TIGIT: variants seen among roughly 807,000 people sequenced by gnomAD.
TIGIT encodes the protein T cell immunoreceptor with Ig and ITIM domains.
In TIGIT, 11 loss-of-function variants were observed where a neutral mutation model predicts 19.6. The ratio of observed to expected loss-of-function variants is 0.56; its 90% CI spans 0.35 to 0.93. TIGIT has a LOEUF of 0.93. Among genes scored for constraint, TIGIT ranks in the 40% least tolerant of loss-of-function variants. TIGIT has a pLI of 0.01. For missense variants in TIGIT, 295 were observed against 303.9 expected (o/e 0.97, Z 0.22); for synonymous variants, 130 against 125.5 (o/e 1.04, Z -0.24).
chr3:114,303,623 A>ATATATATATATACATATATATG, intron 3 of TIGIT, among the ~76,000 whole-genome samples: 1 of 66,730 alleles, frequency 1.5e-5, no homozygotes, highest in Non-Finnish European at 3.7e-5. Flanking sequence ...ATATATATGT[A>ATATATATATATACATATATATG]TATATATACA....
intron 3 of TIGIT, among the ~76,000 whole-genome samples, chr3:114,304,772 A>G (rs1186230467): frequency 1.3e-5 from 2 of 152,222 alleles, no homozygotes; most frequent in African/African-American, 2.4e-5. Context: ...ATCAAGGGGA[A>G]GTGGGCCACT....
rs1490508772 is a variant in TIGIT at position 114,307,765 on chromosome 3, A to G, written c.499-130A>G. 3 of 809,580 alleles carry G rather than the reference A, an allele frequency of 3.7e-6. No individual in the cohort carries two copies. In the East Asian group the frequency reaches 7.4e-5, roughly 20 times the overall value. The allele number at this position is 809,580 out of a possible 1,614,324, so 50.1% of individuals were successfully genotyped here. On this transcript the variant is annotated intron_variant, in intron 3 of 3. Coordinates refer to ENST00000383671, the MANE Select transcript of TIGIT (RefSeq NM_173799.4). ...CGGTTGAGAAATTAAGGGCTAAGGAATTGGTGTTGGTAAGAACATAAGTTT... is the reference window on the plus strand; with the variant it reads ...CGGTTGAGAAATTAAGGGCTAAGGAGTTGGTGTTGGTAAGAACATAAGTTT...
chr3:114,303,505 GTATATATA>G (rs1272943081), intron 3 of TIGIT, among the ~76,000 whole-genome samples: 3 of 117,290 alleles, frequency 2.6e-5, no homozygotes, highest in African/African-American at 9.2e-5. Flanking sequence ...ATATATATAT[GTATATATA>G]TATACACATA....
rs1207805180 is a variant in TIGIT, at chr3:114,295,743, C to T, written c.260C>T (p.Pro87Leu). Residue 87 changes from proline to leucine, a missense_variant, in exon 2 of 4, where the codon CCA becomes CTA. Coordinates refer to ENST00000383671, the MANE Select transcript of TIGIT (RefSeq NM_173799.4). ...ISPSFKDRVA[P>L]GPGLGLTLQS... ...CCATCCTTCAAGGATCGAGTGGCCC[C>T]AGGTCCCGGCCTGGGCCTCACCCTC... is the stretch of plus-strand genomic sequence containing the variant. 10 of 1,614,088 alleles carry T rather than the reference C, an allele frequency of 6.2e-6. No individual in the cohort carries two copies. The highest frequency in any genetic ancestry group is 2.2e-5 in the East Asian group (1 of 44,892).
intron 3 of TIGIT, among the ~76,000 whole-genome samples, chr3:114,301,765 A>G (rs1448353404): frequency 6.6e-6 from 1 of 152,148 alleles, no homozygotes; most frequent in Non-Finnish European, 1.5e-5. Context: ...CCTCTCTGAC[A>G]TTTCCACTGC....
rs975309977 is a variant in TIGIT, at chr3:114,308,856, A to T, written c.*725A>T. The T allele has an allele frequency of 6.6e-6, 1 of 152,274 alleles. No homozygotes were observed. The highest frequency in any genetic ancestry group is 6.5e-5 in the Admixed American group (1 of 15,278). The allele number at this position is 152,274 out of a possible 1,614,324, so 9.4% of individuals were successfully genotyped here. ...AGTTTTGTCTAGGGAACTTGTAGGAAATTCTTGGAGCTGAAAGTCCCACAA... is the reference window on the plus strand; with the variant it reads ...AGTTTTGTCTAGGGAACTTGTAGGATATTCTTGGAGCTGAAAGTCCCACAA... On this transcript the variant is annotated 3_prime_UTR_variant, in exon 4 of 4. Coordinates refer to ENST00000383671, the MANE Select transcript of TIGIT (RefSeq NM_173799.4).
At position 114,294,715 on chromosome 3, in the gene TIGIT, G is replaced by A. The variant is rs1175108292; in HGVS notation, c.61+593G>A. On this transcript the variant is annotated intron_variant, in intron 1 of 3. Transcript: ENST00000383671. Reference sequence around the variant, plus strand: ...TGGAGATGTGCCCAGGGTTGCTGGGGAGAGGTTAAGTGCTGAGAGGGTGGT... The same window carrying A: ...TGGAGATGTGCCCAGGGTTGCTGGGAAGAGGTTAAGTGCTGAGAGGGTGGT... Among the ~76,000 whole-genome samples, 3 of 152,190 alleles carry A rather than the reference G, an allele frequency of 2.0e-5. No individual in the cohort carries two copies. The East Asian group carries it at 5.8e-4, about 29-fold the overall frequency.
intron 3 of TIGIT, among the ~76,000 whole-genome samples, chr3:114,303,588 C>CATATATATGTAT (rs1560033638): frequency 1.9e-5 from 1 of 53,246 alleles, no homozygotes; most frequent in African/African-American, 1.4e-4. Flanking sequence ...TATATATATA[C>CATATATATGTAT]ATATATATGT....
chr3:114,306,365 G>A (rs1576143924), intron 3 of TIGIT, among the ~76,000 whole-genome samples: 1 of 152,204 alleles, frequency 6.6e-6, no homozygotes, highest in African/African-American at 2.4e-5. Flanking sequence ...GGCTTTACTA[G>A]CTCTCTCAGC....
At chr3:114,300,025 G>A (rs946654453) in intron 3 of TIGIT, among the ~76,000 whole-genome samples, 1 of 151,970 alleles carries the variant, frequency 6.6e-6, no homozygotes, top group African/African-American at 2.4e-5. Context: ...ATGCATCGTG[G>A]GCATCTATAT....
At position 114,294,154 on chromosome 3, in the gene TIGIT, A is replaced by C. The variant is rs1439553224; in HGVS notation, c.61+32A>C. The C allele has an allele frequency of 1.1e-5, 16 of 1,517,368 alleles. No individual in the cohort carries two copies. In the Admixed American group the frequency reaches 3.1e-4, roughly 30 times the overall value. 94.0% of individuals were successfully genotyped at this position (1,517,368 alleles called of 1,614,324 possible). A position where few individuals can be genotyped will look rare whatever the true frequency, so the allele number is the denominator to read the frequency against. ...CCTGAAACCCAGCAGAGCAGCAGGG[A>C]GGAAAAACAAGGCTAAGCTTGGTTG... On this transcript the variant is annotated intron_variant, in intron 1 of 3. Coordinates refer to ENST00000383671, the MANE Select transcript of TIGIT (RefSeq NM_173799.4).
chr3:114,295,573 G>A lies in TIGIT; in HGVS notation c.90G>A (p.Thr30=), dbSNP rs766552853. ...SGMMTGTIET[T]GNISAEKGGS... ...TGATGACAGGCACAATAGAAACAAC[G>A]GGGAACATTTCTGCAGAGAAAGGTG... Residue 30 remains threonine, a synonymous_variant, in exon 2 of 4, where the codon ACG becomes ACA. Transcript: ENST00000383671. The A allele has an allele frequency of 9.3e-6, 15 of 1,614,034 alleles. No homozygotes were observed. The highest frequency in any genetic ancestry group is 1.7e-4 in the Middle Eastern group (1 of 6,060).
intron 3 of TIGIT, chr3:114,307,667 G>C (rs2078544427): frequency 1.8e-6 from 1 of 541,796 alleles, no homozygotes; most frequent in Admixed American, 3.2e-5. Flanking sequence ...GAAGTAACAA[G>C]GTGTGTGGCA....
At chr3:114,301,983 G>A (rs2078495650) in intron 3 of TIGIT, among the ~76,000 whole-genome samples, 2 of 152,202 alleles carry the variant, frequency 1.3e-5, no homozygotes, top group South Asian at 2.1e-4. Context: ...GACACCACAA[G>A]GAGGAGTAGC....
At chr3:114,294,542 G>A (rs2078441181) in intron 1 of TIGIT, among the ~76,000 whole-genome samples, 1 of 152,168 alleles carries the variant, frequency 6.6e-6, no homozygotes, top group South Asian at 2.1e-4. Flanking sequence ...AGATTCCAGA[G>A]GTTCTACCAC....
rs373334849 is a variant in TIGIT, at chr3:114,295,558, C to A, written c.75C>A (p.Gly25=). Residue 25 remains glycine (G), a synonymous_variant, in exon 2 of 4, where the codon GGC becomes GGA. Coordinates refer to ENST00000383671, the MANE Select transcript of TIGIT (RefSeq NM_173799.4). ...CCTCTTCCCTAGGAATGATGACAGG[C>A]ACAATAGAAACAACGGGGAACATTT... is the stretch of plus-strand genomic sequence containing the variant. ...QAPLASGMMT[G]TIETTGNISA... 5 of 1,613,142 alleles carry A rather than the reference C, an allele frequency of 3.1e-6. No homozygotes were observed. Among genetic ancestry groups the A allele is most frequent in the Admixed American group, 1.7e-5 (1 of 59,982 alleles).
chr3:114,299,873 T>C (rs1308631296), intron 3 of TIGIT, among the ~76,000 whole-genome samples, 170 bp downstream of exon 3: 1 of 152,194 alleles, frequency 6.6e-6, no homozygotes, highest in Non-Finnish European at 1.5e-5. Flanking sequence ...ATTTATGCTC[T>C]TCCGTTGTCC....
In TIGIT at chr3:114,308,483, G is replaced by A. The variant is rs1318153995; in HGVS notation, c.*352G>A. ...AGCATTTTGGGCTACAAGGTTTTGT[G>A]GTTGATGATGAGGATGGCATGACTG... On this transcript the variant is annotated 3_prime_UTR_variant, in exon 4 of 4. Coordinates refer to ENST00000383671, the MANE Select transcript of TIGIT (RefSeq NM_173799.4). 1 of 196,328 alleles carries A rather than the reference G, an allele frequency of 5.1e-6. No homozygotes were observed. Among genetic ancestry groups the A allele is most frequent in the East Asian group, 1.4e-4 (1 of 7,030 alleles). 12.2% of individuals were successfully genotyped at this position (196,328 alleles called of 1,614,324 possible).
In TIGIT at chr3:114,307,395, T is replaced by C. The variant is rs561801346; in HGVS notation, c.499-500T>C. On this transcript the variant is annotated intron_variant, in intron 3 of 3. Transcript: ENST00000383671. ...TGCTCATGAAATCACTCAGAGAGCA[T>C]GTTTAGCGTGAGAGAAAGCAGAGAG... 1.1e-3 allele frequency among the ~76,000 whole-genome samples: 169 copies of C among 152,154 alleles called. No individual in the cohort carries two copies. The Middle Eastern group carries it at 0.017, about 15-fold the overall frequency.
Sources: allele counts gnomAD v4.1 joint callset (sites outside exome capture counted in the v4.1 genomes callset), GRCh38; gene constraint gnomAD v4.1.1; transcripts MANE v1.5; gene names NCBI Gene and HGNC (gene_info 2026-07-23, HGNC 2026-07-21).